Variants in TMEM229B observed in about 807,000 individuals in gnomAD.
TMEM229B encodes the protein transmembrane protein 229B, also known as chromosome 14 open reading frame 83.
In TMEM229B, 6 loss-of-function variants were observed where a neutral mutation model predicts 13.7. The ratio of observed to expected loss-of-function variants is 0.44; its 90% confidence interval spans 0.24 to 0.86. The LOEUF (loss-of-function observed/expected upper bound fraction) is 0.86, where lower values mean the gene tolerates loss of function less well. Ranked by LOEUF, TMEM229B falls within the 40% of genes least tolerant of loss-of-function variation. TMEM229B has a pLI of 0.23. For synonymous variants in TMEM229B, 107 were observed against 102.1 expected (o/e 1.05, Z -0.29); for missense variants, 170 against 236.0 (o/e 0.72, Z 1.83).
chr14:67,519,444 A>G (rs1196557084), upstream of TMEM229B, among the ~76,000 whole-genome samples: 1 of 152,204 alleles, frequency 6.6e-6, no homozygotes, highest in Non-Finnish European at 1.5e-5. Context: ...CAATCTTTTC[A>G]TCACTTCTGC....
chr14:67,500,635 G>T lies in TMEM229B; in HGVS notation c.-191-13463C>A, dbSNP rs575125404. ...CCCCCAGGCTGGAGTGCAGTGGCGC[G>T]ATCTCGGCTCACTGCAACCTCCACC... is the stretch of plus-strand genomic sequence containing the variant. On this transcript the variant is annotated intron_variant, in intron 1 of 2. Coordinates refer to the TMEM229B transcript ENST00000357461. Among the ~76,000 whole-genome samples, 147 of 148,502 alleles carry T rather than the reference G, an allele frequency of 9.9e-4. 2 individuals are homozygous for T. The highest frequency in any genetic ancestry group is 3.5e-3 in the Middle Eastern group (1 of 288).
rs567355388 is a variant in TMEM229B at position 67,508,517 on chromosome 14, C to T, written c.-192+6569G>A. ...TCCATCATACAGCCTCACGCTAGCT[C>T]TCCAAGAGGGGTCAGCTCACCTTCC... On this transcript the variant is annotated intron_variant, in intron 1 of 2. Coordinates refer to the TMEM229B transcript ENST00000357461. Among the ~76,000 whole-genome samples, 346 of 152,180 alleles carry T rather than the reference C, an allele frequency of 2.3e-3. 3 individuals are homozygous for T. The highest frequency in any genetic ancestry group is 7.7e-3 in the African/African-American group (321 of 41,518).
intron 1 of TMEM229B, among the ~76,000 whole-genome samples, chr14:67,494,057 C>T (rs1297626262): frequency 2.0e-5 from 3 of 152,090 alleles, no homozygotes; most frequent in Non-Finnish European, 2.9e-5. Flanking sequence ...CCCAGCCACA[C>T]CAGGCACCTC....
chr14:67,505,293 G>A (rs2032777661), intron 1 of TMEM229B, among the ~76,000 whole-genome samples: 2 of 152,154 alleles, frequency 1.3e-5, no homozygotes, highest in Non-Finnish European at 2.9e-5. Context: ...TGTCCCCATA[G>A]AAAACTGGCC....
chr14:67,493,749 C>G (rs974646088), intron 1 of TMEM229B, among the ~76,000 whole-genome samples: 2 of 152,078 alleles, frequency 1.3e-5, no homozygotes, highest in Non-Finnish European at 2.9e-5. Context: ...TCCTGAGATT[C>G]TTGTTGGAAT....
At chr14:67,502,502 G>C (rs2032650206) in intron 1 of TMEM229B, among the ~76,000 whole-genome samples, 2 of 139,914 alleles carry the variant, frequency 1.4e-5, no homozygotes, top group African/African-American at 2.6e-5. Context: ...GTCCAGGCTA[G>C]AGTGCAATGG....
intron 1 of TMEM229B, among the ~76,000 whole-genome samples, chr14:67,505,849 G>T (rs1288314246): frequency 1.3e-5 from 2 of 151,996 alleles, no homozygotes; most frequent in Non-Finnish European, 2.9e-5. Flanking sequence ...ACAGGCGCCC[G>T]CCACCATGCC....
At chr14:67,523,483 A>G (rs2140274261) in intron 1 of TMEM229B, among the ~76,000 whole-genome samples, 1 of 152,352 alleles carries the variant, frequency 6.6e-6, no homozygotes, top group African/African-American at 2.4e-5. Context: ...GTAGCAAAGA[A>G]TGAAACCTAG....
At chr14:67,479,647 G>A (rs954305478) in intron 2 of TMEM229B, among the ~76,000 whole-genome samples, 1 of 152,144 alleles carries the variant, frequency 6.6e-6, no homozygotes, top group Non-Finnish European at 1.5e-5. Flanking sequence ...GAACCTGGGA[G>A]GCGGAGGTTG....
intron 2 of TMEM229B, among the ~76,000 whole-genome samples, chr14:67,479,070 T>C (rs1000885483): frequency 1.3e-4 from 20 of 152,344 alleles, no homozygotes; most frequent in Admixed American, 1.1e-3. Context: ...TTTTTTTTCC[T>C]AACAAGCATG....
At chr14:67,524,465 G>A (rs947360733) in intron 1 of TMEM229B, among the ~76,000 whole-genome samples, 1 of 152,148 alleles carries the variant, frequency 6.6e-6, no homozygotes, top group African/African-American at 2.4e-5. Context: ...AGTGAGAAGG[G>A]GTAGACAAAG....
chr14:67,473,138 C>T lies in TMEM229B; in HGVS notation c.*282G>A, dbSNP rs995167283. The T allele has an allele frequency of 5.7e-5, 26 of 459,722 alleles. No individual in the cohort carries two copies. The highest frequency in any genetic ancestry group is 4.7e-4 in the African/African-American group (24 of 50,838). The allele number at this position is 459,722 out of a possible 1,614,324, so 28.5% of individuals were successfully genotyped here. On this transcript the variant is annotated 3_prime_UTR_variant, in exon 3 of 3. Transcript: ENST00000554480. This position sits in a 1 kb window ranked among gnomAD's most constrained non-coding sequence, Gnocchi z 6.5. ...TTCCAAAGTCAACTACATAGTCCAT[C>T]GCTGCTCAGCCACAGGCCTCCTGGT...
chr14:67,524,635 G>A (rs2033340114), intron 1 of TMEM229B, among the ~76,000 whole-genome samples: 1 of 152,106 alleles, frequency 6.6e-6, no homozygotes, highest in East Asian at 1.9e-4. Context: ...TTGCGAGATG[G>A]GCTTGAATTA....
intron 2 of TMEM229B, among the ~76,000 whole-genome samples, chr14:67,485,050 G>A (rs1247609075): frequency 6.6e-6 from 1 of 152,184 alleles, no homozygotes; most frequent in East Asian, 1.9e-4. Context: ...ATGATATAAC[G>A]AGAATTACCT....
At chr14:67,480,465 A>G (rs1176238448) in intron 2 of TMEM229B, among the ~76,000 whole-genome samples, 1 of 152,120 alleles carries the variant, frequency 6.6e-6, no homozygotes, top group Non-Finnish European at 1.5e-5. Flanking sequence ...CGAGGGGCAG[A>G]CTTGAAAAGA....
chr14:67,519,249 A>G (rs892662375), upstream of TMEM229B, among the ~76,000 whole-genome samples: 4 of 152,256 alleles, frequency 2.6e-5, no homozygotes, highest in Non-Finnish European at 5.9e-5. Flanking sequence ...AACTTTAGCT[A>G]TCTTAAGTCT....
intron 1 of TMEM229B, among the ~76,000 whole-genome samples, chr14:67,521,096 A>G (rs28620721): frequency 0.012 from 1,815 of 152,368 alleles, 40 homozygotes; most frequent in African/African-American, 0.042. Flanking sequence ...TCAAGAAAGC[A>G]GCAAGAGGCT....
intron 1 of TMEM229B, among the ~76,000 whole-genome samples, chr14:67,499,936 A>C (rs1354392073): frequency 1.3e-5 from 2 of 152,094 alleles, no homozygotes; most frequent in African/African-American, 4.8e-5. Context: ...TAAGGAGGGG[A>C]GTGGTCTCCT....
intron 1 of TMEM229B, among the ~76,000 whole-genome samples, chr14:67,526,296 CCTTGA>C (rs145994063): frequency 0.043 from 6,567 of 152,308 alleles, 177 homozygotes; most frequent in East Asian, 0.069. Context: ...CAAAAAGGAT[CCTTGA>C]CTTGCAGCTT....
Sources: gnomAD v4.1 joint callset for allele counts (sites outside exome capture counted in the v4.1 genomes callset) on GRCh38, gnomAD v4.1.1 for gene constraint, Gnocchi (gnomAD v3.1) non-coding constraint, MANE v1.5 for transcripts, NCBI Gene and HGNC (gene_info 2026-07-23, HGNC 2026-07-21) for gene names.